The following STMN2 variants were observed in gnomAD, a reference collection of about 807,000 sequenced individuals.
The protein encoded by STMN2 is stathmin-2.
In STMN2, 2 loss-of-function variants were observed where a neutral mutation model predicts 24.1. The ratio of observed to expected loss-of-function variants is 0.08; its 90% CI spans 0.03 to 0.26. The LOEUF (loss-of-function observed/expected upper bound fraction) is 0.26, where lower values mean the gene tolerates loss of function less well. Among genes scored for constraint, STMN2 ranks in the 10% least tolerant of loss-of-function variants. STMN2 has a pLI of 1.00. For missense variants in STMN2, 114 were observed against 213.6 expected (o/e 0.53, Z 2.91); for synonymous variants, 83 against 77.5 (o/e 1.07, Z -0.37).
chr8:79,647,343 T>C (rs1299548553), intron 3 of STMN2, among the ~76,000 whole-genome samples: 1 of 152,184 alleles, frequency 6.6e-6, no homozygotes, highest in Non-Finnish European at 1.5e-5. Context: ...ATGTGAAATA[T>C]GATTTCTGTT....
chr8:79,659,711 C>T (rs7820774), intron 4 of STMN2, among the ~76,000 whole-genome samples: 20,547 of 152,084 alleles, frequency 0.14, 1,623 homozygotes, highest in Non-Finnish European at 0.18. Flanking sequence ...ACCAATCTTT[C>T]GATGTAGTTG....
Position 79,641,511 on chromosome 8 carries a change from G to A in STMN2, c.249G>A (p.Glu83=), listed in dbSNP as rs1297225361. ...AGAAGAAAGACCTGTCCCTGGAGGA[G>A]ATCCAGAAGAAACTGGAGGCTGCAG... ...SPKKKDLSLE[E]IQKKLEAAEE... Residue 83 remains glutamate (E), a synonymous_variant, in exon 3 of 5, where the codon GAG becomes GAA. Transcript: ENST00000220876. The A allele has an allele frequency of 1.1e-5, 18 of 1,613,860 alleles. No individual in the cohort carries two copies. The highest frequency in any genetic ancestry group is 1.4e-5 in the Non-Finnish European group (17 of 1,179,968).
intron 2 of STMN2, 95 bp downstream of exon 2, chr8:79,636,992 A>G: frequency 1.8e-6 from 2 of 1,140,308 alleles, no homozygotes; most frequent in South Asian, 2.7e-5. Context: ...TAATTACATC[A>G]ATATTTTGTA....
At chr8:79,661,227 G>A (rs1219779603) in intron 4 of STMN2, among the ~76,000 whole-genome samples, 5 of 152,028 alleles carry the variant, frequency 3.3e-5, no homozygotes, top group Admixed American at 3.3e-4. Flanking sequence ...TTTCCACAGT[G>A]GTCATACTAA....
At chr8:79,615,329 C>T (rs180895218) in intron 1 of STMN2, among the ~76,000 whole-genome samples, 1 of 152,296 alleles carries the variant, frequency 6.6e-6, no homozygotes, top group African/African-American at 2.4e-5. Context: ...AAGCTGGCCT[C>T]CGAGCAGGAG....
chr8:79,630,291 T>C (rs1809768051), intron 1 of STMN2, among the ~76,000 whole-genome samples: 1 of 152,246 alleles, frequency 6.6e-6, no homozygotes, highest in African/African-American at 2.4e-5. Flanking sequence ...TGCAGTGTGA[T>C]AAAAGTCTCG....
At position 79,613,479 on chromosome 8, in the gene STMN2, T is replaced by A. The variant is rs1043623572; in HGVS notation, c.19+2265T>A. 6 of 985,372 alleles carry A rather than the reference T, an allele frequency of 6.1e-6. No homozygotes were observed. The African/African-American group carries it at 8.7e-5, about 14-fold the overall frequency. The allele number at this position is 985,372 out of a possible 1,614,324, so 61.0% of individuals were successfully genotyped here. On this transcript the variant is annotated intron_variant, in intron 1 of 4. Coordinates refer to ENST00000220876, the MANE Select transcript of STMN2 (RefSeq NM_007029.4). ...CCGCTTTCCACAATTCGCAGTTCACTCGCACGTCCAGAAAGGTTCTGAGAA... is the reference window on the plus strand; with the variant it reads ...CCGCTTTCCACAATTCGCAGTTCACACGCACGTCCAGAAAGGTTCTGAGAA...
At chr8:79,643,149 G>GTGTATATATATA (rs764308760) in intron 3 of STMN2, among the ~76,000 whole-genome samples, 1 of 140,108 alleles carries the variant, frequency 7.1e-6, no homozygotes, top group South Asian at 2.2e-4. Flanking sequence ...ATGTGTGTGT[G>GTGTATATATATA]TATATATATA....
At chr8:79,657,573 C>G (rs572213478) in intron 4 of STMN2, among the ~76,000 whole-genome samples, 4 of 152,192 alleles carry the variant, frequency 2.6e-5, no homozygotes, top group Non-Finnish European at 4.4e-5. Context: ...AATCTCAGCT[C>G]TCAGCAGTCT....
chr8:79,622,084 T>C (rs997347168), intron 1 of STMN2, among the ~76,000 whole-genome samples: 7 of 152,164 alleles, frequency 4.6e-5, no homozygotes, highest in African/African-American at 1.4e-4. Context: ...CTGTTCCTGT[T>C]ACAGGTAAGA....
At chr8:79,625,770 C>T (rs1052905860) in intron 1 of STMN2, among the ~76,000 whole-genome samples, 2 of 152,004 alleles carry the variant, frequency 1.3e-5, no homozygotes, top group African/African-American at 2.4e-5. Flanking sequence ...CCAGCCTGGA[C>T]AACATGGTGA....
At chr8:79,660,053 G>T (rs1447963452) in intron 4 of STMN2, among the ~76,000 whole-genome samples, 1 of 152,132 alleles carries the variant, frequency 6.6e-6, no homozygotes, top group Non-Finnish European at 1.5e-5. Context: ...TGCTAAACAG[G>T]TGTGGAAATA....
chr8:79,615,763 C>T (rs921911009), intron 1 of STMN2, among the ~76,000 whole-genome samples: 1 of 152,158 alleles, frequency 6.6e-6, no homozygotes, highest in Admixed American at 6.5e-5. Context: ...ATGAACAGAG[C>T]TTGTACAATT....
At chr8:79,624,105 C>T (rs940916344) in intron 1 of STMN2, among the ~76,000 whole-genome samples, 2 of 152,056 alleles carry the variant, frequency 1.3e-5, no homozygotes, top group Non-Finnish European at 2.9e-5. Context: ...AGACAGTGTA[C>T]ACAGTTGCAG....
In STMN2 at chr8:79,626,386, A is replaced by G. The variant is rs1267779383; in HGVS notation, c.20-10416A>G. 2.6e-5 allele frequency among the ~76,000 whole-genome samples: 4 copies of G among 152,300 alleles called. No homozygotes were observed. The South Asian group carries it at 8.3e-4, about 32-fold the overall frequency. ...GATAGAAATGAGAAGACTTTCTTAA[A>G]TTTTGCCTCTACGCCAAGAAATTAG... On this transcript the variant is annotated intron_variant, in intron 1 of 4. Coordinates refer to ENST00000220876, the MANE Select transcript of STMN2 (RefSeq NM_007029.4).
intron 4 of STMN2, among the ~76,000 whole-genome samples, chr8:79,662,989 C>A (rs947517301): frequency 6.6e-6 from 1 of 152,102 alleles, no homozygotes; most frequent in African/African-American, 2.4e-5. Flanking sequence ...GCTAATTTCC[C>A]CTGTGACATT....
At chr8:79,631,634 C>A (rs946616220) in intron 1 of STMN2, among the ~76,000 whole-genome samples, 11 of 151,952 alleles carry the variant, frequency 7.2e-5, no homozygotes, top group African/African-American at 2.7e-4. Context: ...CAAATTTGAA[C>A]CGATATAGTA....
intron 3 of STMN2, among the ~76,000 whole-genome samples, chr8:79,653,530 T>C (rs1389997437): frequency 6.6e-6 from 1 of 152,188 alleles, no homozygotes; most frequent in Non-Finnish European, 1.5e-5. Context: ...AGTAAAGATG[T>C]GTAAGGCTGT....
chr8:79,641,632 A>T, intron 3 of STMN2, 82 bp downstream of exon 3: 78 of 282,644 alleles, frequency 2.8e-4, no homozygotes, highest in East Asian at 1.3e-3. Flanking sequence ...ATGCACGCAC[A>T]CACACACACA....
Sources: allele counts gnomAD v4.1 joint callset (sites outside exome capture counted in the v4.1 genomes callset), GRCh38; gene constraint gnomAD v4.1.1; transcripts MANE v1.5; gene names NCBI Gene and HGNC (gene_info 2026-07-23, HGNC 2026-07-21).